Variants in CAMK2A observed in about 807,000 individuals in gnomAD.
CAMK2A encodes the protein calcium/calmodulin dependent protein kinase II alpha, also known as calcium/calmodulin-dependent protein kinase type II subunit alpha.
A neutral mutation model predicts 79.2 loss-of-function variants in CAMK2A; 7 were observed. That is an observed-to-expected ratio of 0.09 (90% CI 0.05 to 0.17). The LOEUF (loss-of-function observed/expected upper bound fraction) is 0.17. CAMK2A is among the 10% of genes least tolerant of loss of function. The probability of loss-of-function intolerance (pLI) is 1.00; values close to 1 mark genes in which losing one functional copy is unlikely to be tolerated. For synonymous variants in CAMK2A, 242 were observed against 251.7 expected, an observed-to-expected ratio of 0.96 and a Z score of 0.36; for missense variants, 214 against 646.4, an observed-to-expected ratio of 0.33 and a Z score of 7.25.
chr5:150,227,896 C>T (rs1370327886), intron 17 of CAMK2A, among the ~76,000 whole-genome samples: 1 of 152,126 alleles, frequency 6.6e-6, no homozygotes, highest in African/African-American at 2.4e-5. Flanking sequence ...CAAGGCCCTC[C>T]CCAGGCCCCT....
At position 150,221,489 on chromosome 5, in the gene CAMK2A, G is replaced by C. The variant is rs1213447466; in HGVS notation, c.*1221C>G. 2 of 398,586 alleles carry C rather than the reference G, an allele frequency of 5.0e-6. No homozygotes were observed. Among genetic ancestry groups the C allele is most frequent in the African/African-American group, 4.1e-5 (2 of 48,608 alleles). The allele number at this position is 398,586 out of a possible 1,614,324, so 24.7% of individuals were successfully genotyped here. A position where few individuals can be genotyped will look rare whatever the true frequency, so the allele number is the denominator to read the frequency against. The stretch of plus-strand genomic sequence containing the variant: ...CAGATATGGTGAGATGAAATCCTGG[G>C]AAGTTCGGTAGAGAAGACCCCAGTT... On this transcript the variant is annotated 3_prime_UTR_variant, in exon 19 of 19. Transcript: ENST00000671881.
chr5:150,284,302 G>GTA lies in CAMK2A; in HGVS notation c.62+5261_62+5262insTA, dbSNP rs970348664. 2.6e-5 allele frequency among the ~76,000 whole-genome samples: 4 copies of GTA among 152,118 alleles called. No homozygotes were observed. The highest frequency in any genetic ancestry group is 4.4e-5 in the Non-Finnish European group (3 of 68,036). On this transcript the variant is annotated intron_variant, in intron 1 of 18. Transcript: ENST00000671881. This position sits in a 1 kb window ranked among gnomAD's most constrained non-coding sequence, Gnocchi z 5.3. ...CCTGTCACAGCCAGTGTGTGTGTGTGTGTCCATGTGCATGTGTGTGCTCCC... is the reference window on the plus strand; with the variant it reads ...CCTGTCACAGCCAGTGTGTGTGTGTGTATGTCCATGTGCATGTGTGTGCTCCC...
rs187757305 is a variant in CAMK2A at position 150,221,236 on chromosome 5, G to A, written c.*1474C>T. The A allele has an allele frequency of 2.5e-5, 10 of 395,594 alleles. No homozygotes were observed. The Admixed American group carries it at 4.4e-4, about 17-fold the overall frequency. 24.5% of individuals were successfully genotyped at this position (395,594 alleles called of 1,614,324 possible). ...TCATGCAAAGAAAACAGTGCAGACAGTAGATCCTAGTGGATGTGCCAAGGT... is the reference window on the plus strand; with the variant it reads ...TCATGCAAAGAAAACAGTGCAGACAATAGATCCTAGTGGATGTGCCAAGGT... On this transcript the variant is annotated 3_prime_UTR_variant, in exon 19 of 19. Transcript: ENST00000671881.
At chr5:150,279,617 C>A (rs6894342) in intron 1 of CAMK2A, among the ~76,000 whole-genome samples, 1 of 152,034 alleles carries the variant, frequency 6.6e-6, no homozygotes, top group Non-Finnish European at 1.5e-5. Context: ...TTGCCAAGCT[C>A]GGGGAAGAAG....
At chr5:150,257,735 T>C (rs2150285834) in intron 3 of CAMK2A, 118 bp from the exon 4 acceptor site, 2 of 778,350 alleles carry the variant, frequency 2.6e-6, no homozygotes, top group Non-Finnish European at 4.4e-6. Flanking sequence ...TCACTGAGTA[T>C]ACACCAGGTG....
chr5:150,264,901 G>T, intron 3 of CAMK2A, 55 bp downstream of exon 3: 1 of 1,384,910 alleles, frequency 7.2e-7, no homozygotes, highest in East Asian at 2.3e-5. Flanking sequence ...GTGCCAGGGT[G>T]GGCAGGGGAG....
chr5:150,249,816 G>A (rs1187465906), intron 11 of CAMK2A, among the ~76,000 whole-genome samples: 4 of 152,212 alleles, frequency 2.6e-5, no homozygotes, highest in African/African-American at 4.8e-5. Flanking sequence ...CCAAAGTGTT[G>A]GGATTACAGG....
intron 1 of CAMK2A, among the ~76,000 whole-genome samples, chr5:150,276,442 CAGG>C (rs758097914): frequency 1.1e-4 from 16 of 152,108 alleles, no homozygotes; most frequent in African/African-American, 2.4e-4. Flanking sequence ...TGAAGTGAGA[CAGG>C]AGAAGAGATT....
chr5:150,260,458 CAAA>C (rs11374999), intron 3 of CAMK2A, among the ~76,000 whole-genome samples: 85 of 115,458 alleles, frequency 7.4e-4, no homozygotes, highest in African/African-American at 1.7e-3. Flanking sequence ...GAGTCCGTCT[CAAA>C]AAAAAAAAAA....
intron 13 of CAMK2A, among the ~76,000 whole-genome samples, chr5:150,242,865 C>A (rs994110028): frequency 6.6e-6 from 1 of 152,242 alleles, no homozygotes; most frequent in Non-Finnish European, 1.5e-5. Flanking sequence ...TTCTTATCTT[C>A]CAATAGGACT....
rs1319904511 is a variant in CAMK2A at position 150,220,277 on chromosome 5, C to T, written c.*2433G>A. ...AGCTGGGAATTGAAGCCTACTCACC[C>T]CAAATCACTGCTCTTTCCCCTGCAG... On this transcript the variant is annotated 3_prime_UTR_variant, in exon 19 of 19. Coordinates refer to ENST00000671881, the MANE Select transcript of CAMK2A (RefSeq NM_015981.4). 1 of 152,288 alleles carries T rather than the reference C, an allele frequency of 6.6e-6. No homozygotes were observed. The highest frequency in any genetic ancestry group is 1.5e-5 in the Non-Finnish European group (1 of 68,048). 9.4% of individuals were successfully genotyped at this position (152,288 alleles called of 1,614,324 possible). A position where few individuals can be genotyped will look rare whatever the true frequency, so the allele number is the denominator to read the frequency against.
intron 2 of CAMK2A, 55 bp from the exon 3 acceptor site, chr5:150,265,070 A>C: frequency 7.6e-7 from 1 of 1,309,410 alleles, no homozygotes; most frequent in Non-Finnish European, 1.1e-6. Context: ...ATTACCCTCC[A>C]TCTCCCCCTT....
chr5:150,258,906 G>A (rs1421736523), intron 3 of CAMK2A, among the ~76,000 whole-genome samples: 2 of 152,216 alleles, frequency 1.3e-5, no homozygotes, highest in East Asian at 3.9e-4. Flanking sequence ...TAGGCTGGGA[G>A]CGGTGGCTCA....
chr5:150,269,619 G>A (rs1056202373), intron 2 of CAMK2A, among the ~76,000 whole-genome samples: 1 of 152,064 alleles, frequency 6.6e-6, no homozygotes, highest in Non-Finnish European at 1.5e-5. Flanking sequence ...CTCCCAAAGT[G>A]CTGGGATTAA....
In CAMK2A at chr5:150,222,566, C is replaced by G. The variant is rs151118217; in HGVS notation, c.*144G>C. The stretch of plus-strand genomic sequence containing the variant: ...TGACTTTTGTGAACAAGCAGGTTTT[C>G]TTGATGCAGGTACAGAAGTGACGGT... On this transcript the variant is annotated 3_prime_UTR_variant, in exon 19 of 19. Transcript: ENST00000671881. The G allele has an allele frequency of 1.1e-3, 1,029 of 910,248 alleles. 4 individuals are homozygous for G. In the African/African-American group the frequency reaches 0.015, roughly 13 times the overall value. 56.4% of individuals were successfully genotyped at this position (910,248 alleles called of 1,614,324 possible). A position where few individuals can be genotyped will look rare whatever the true frequency, so the allele number is the denominator to read the frequency against.
At chr5:150,278,248 G>C (rs954643564) in intron 1 of CAMK2A, among the ~76,000 whole-genome samples, 1 of 152,142 alleles carries the variant, frequency 6.6e-6, no homozygotes, top group African/African-American at 2.4e-5. Flanking sequence ...GGGCTGGGCT[G>C]CTACCTAGGC....
At chr5:150,245,328 C>A in intron 12 of CAMK2A, 127 bp from the exon 13 acceptor site, 1 of 760,860 alleles carries the variant, frequency 1.3e-6, no homozygotes, top group East Asian at 2.9e-5. Context: ...GCCCAGCGAT[C>A]CTGGGGGAGG....
chr5:150,222,573 C>T lies in CAMK2A; in HGVS notation c.*137G>A. 1 of 946,364 alleles carries T rather than the reference C, an allele frequency of 1.1e-6. No individual in the cohort carries two copies. The highest frequency in any genetic ancestry group is 1.7e-6 in the Non-Finnish European group (1 of 589,898). 58.6% of individuals were successfully genotyped at this position (946,364 alleles called of 1,614,324 possible). On this transcript the variant is annotated 3_prime_UTR_variant, in exon 19 of 19. Coordinates refer to ENST00000671881, the MANE Select transcript of CAMK2A (RefSeq NM_015981.4). ...TGTGAACAAGCAGGTTTTCTTGATGCAGGTACAGAAGTGACGGTGGTGGGG... is the reference window on the plus strand; with the variant it reads ...TGTGAACAAGCAGGTTTTCTTGATGTAGGTACAGAAGTGACGGTGGTGGGG...
intron 12 of CAMK2A, among the ~76,000 whole-genome samples, chr5:150,246,956 C>T (rs1165868555): frequency 6.6e-6 from 1 of 152,254 alleles, no homozygotes; most frequent in Non-Finnish European, 1.5e-5. Context: ...CTATCTATAT[C>T]TCCTCTACTG....
Sources: allele counts gnomAD v4.1 joint callset (sites outside exome capture counted in the v4.1 genomes callset), GRCh38; gene constraint gnomAD v4.1.1; non-coding constraint Gnocchi (gnomAD v3.1); transcripts MANE v1.5; gene names NCBI Gene and HGNC (gene_info 2026-07-23, HGNC 2026-07-21).